RANBP2: variants seen among roughly 807,000 people sequenced by gnomAD.
RANBP2 encodes RAN binding protein 2.
In RANBP2, 57 loss-of-function variants were observed where a neutral mutation model predicts 303.6. That is an observed-to-expected ratio of 0.19 (90% confidence interval 0.15 to 0.23). RANBP2 has a LOEUF of 0.23. Ranked by LOEUF, RANBP2 falls within the 10% of genes least tolerant of loss-of-function variation. The pLI is 1.00. For synonymous variants in RANBP2, 1,167 were observed against 1,301.5 expected, an observed-to-expected ratio of 0.90 and a Z score of 2.23; for missense variants, 3,138 against 3,780.8, an observed-to-expected ratio of 0.83 and a Z score of 4.46.
chr2:108,934,596 C>T, the RANBP2 span, among the ~76,000 whole-genome samples: 2 of 152,148 alleles, frequency 1.3e-5, no homozygotes, highest in African/African-American at 4.8e-5. Flanking sequence ...TCTGGGAAGT[C>T]CAAGAGCGAC....
chr2:108,764,919 C>T lies in RANBP2; in HGVS notation c.4380C>T (p.Gly1460=). The T allele has an allele frequency of 1.9e-6, 3 of 1,613,966 alleles. No homozygotes were observed. Among genetic ancestry groups the T allele is most frequent in the Non-Finnish European group, 2.5e-6 (3 of 1,179,958 alleles). ...TTCATCAAGCTTCATTTAAATTTGG[C>T]CAGGGAGATCTTCCTAAACCTATTA... ...SFVHQASFKF[G]QGDLPKPINS... is the part of the protein sequence containing the mutation. The change falls in exon 20 of 29, where the codon GGC becomes GGT. Residue 1460 remains glycine (G), a synonymous_variant. Transcript: ENST00000283195.
the RANBP2 span, among the ~76,000 whole-genome samples, chr2:108,875,334 AAAG>A: frequency 0.015 from 1,359 of 93,050 alleles, 27 homozygotes; most frequent in Middle Eastern, 0.067. Flanking sequence ...AAAAAAAAAA[AAAG>A]AAACAAATTC....
At chr2:109,140,739 A>G in the RANBP2 span, among the ~76,000 whole-genome samples, 3 of 152,116 alleles carry the variant, frequency 2.0e-5, no homozygotes, top group Admixed American at 6.5e-5. Flanking sequence ...CAAAAGGCCT[A>G]TGTGCTCTAC....
At chr2:109,429,749 G>A in the RANBP2 span, among the ~76,000 whole-genome samples, 1,011 of 152,270 alleles carry the variant, frequency 6.6e-3, 12 homozygotes, top group African/African-American at 0.023. Flanking sequence ...TTTTGTGTCC[G>A]CAGCTGTGAA....
the RANBP2 span, among the ~76,000 whole-genome samples, chr2:109,681,268 AG>A: frequency 3.3e-5 from 5 of 152,224 alleles, no homozygotes; most frequent in African/African-American, 1.2e-4. Context: ...GTTTCTCAGA[AG>A]GGGCGCTCGA....
the RANBP2 span, among the ~76,000 whole-genome samples, chr2:108,969,152 G>C: frequency 2.0e-5 from 3 of 152,070 alleles, no homozygotes; most frequent in Non-Finnish European, 4.4e-5. Context: ...AAGAAAGAAG[G>C]CACCTCTGCT....
At chr2:109,506,813 C>G in the RANBP2 span, among the ~76,000 whole-genome samples, 1 of 152,144 alleles carries the variant, frequency 6.6e-6, no homozygotes, top group South Asian at 2.1e-4. Flanking sequence ...CTGCTGGTAG[C>G]ACTTACCACC....
chr2:109,060,721 A>G, the RANBP2 span, among the ~76,000 whole-genome samples: 1 of 152,074 alleles, frequency 6.6e-6, no homozygotes, highest in Admixed American at 6.5e-5. Context: ...AGGATGATCC[A>G]TTTGCCACCC....
chr2:109,630,214 G>A, the RANBP2 span, among the ~76,000 whole-genome samples: 8 of 152,260 alleles, frequency 5.3e-5, no homozygotes, highest in African/African-American at 1.9e-4. Context: ...ATATTATGAT[G>A]TTCTGACATC....
At chr2:109,501,476 G>A in the RANBP2 span, 1 of 768,530 alleles carries the variant, frequency 1.3e-6, no homozygotes, top group African/African-American at 1.7e-5. Flanking sequence ...GTCTGTGTGG[G>A]GCTCACCCAC....
the RANBP2 span, among the ~76,000 whole-genome samples, chr2:109,185,878 G>T: frequency 6.6e-6 from 1 of 152,210 alleles, no homozygotes; most frequent in Admixed American, 6.5e-5. Context: ...CTGTCAAAGG[G>T]GCCAAGTCGG....
At chr2:108,788,843 C>G (rs1558958274), downstream of RANBP2, 1 of 1,613,664 alleles carries the variant, frequency 6.2e-7, no homozygotes, top group Admixed American at 1.7e-5. Context: ...GTTTCTTTGT[C>G]GTTGACAGGT....
chr2:109,507,467 C>T, the RANBP2 span, among the ~76,000 whole-genome samples: 1 of 152,228 alleles, frequency 6.6e-6, no homozygotes, highest in African/African-American at 2.4e-5. Flanking sequence ...TGCTTCTGTT[C>T]CGCCTGTGGT....
At chr2:109,189,812 A>G in the RANBP2 span, among the ~76,000 whole-genome samples, 2 of 152,226 alleles carry the variant, frequency 1.3e-5, no homozygotes, top group Non-Finnish European at 2.9e-5. Context: ...ACTTCTCAAC[A>G]CTGGTCAGAG....
chr2:108,965,310 T>C, the RANBP2 span, among the ~76,000 whole-genome samples: 111 of 152,160 alleles, frequency 7.3e-4, 1 homozygote, highest in African/African-American at 2.6e-3. Flanking sequence ...ACCCCATCTC[T>C]ACTAAAAATA....
intron 4 of RANBP2, among the ~76,000 whole-genome samples, chr2:108,734,993 A>G (rs1695458952): frequency 1.3e-5 from 2 of 152,162 alleles, no homozygotes; most frequent in African/African-American, 4.8e-5. Flanking sequence ...GTGAGTGGCC[A>G]CAAACCCTAC....
intron 9 of RANBP2, among the ~76,000 whole-genome samples, chr2:108,750,603 T>TTTTCTTTTC (rs1183389959): frequency 6.9e-6 from 1 of 145,662 alleles, no homozygotes. Context: ...TTTTCTTTTC[T>TTTTCTTTTC]TTGAGACAGA....
At chr2:108,827,425 A>G in the RANBP2 span, among the ~76,000 whole-genome samples, 1 of 152,256 alleles carries the variant, frequency 6.6e-6, no homozygotes, top group East Asian at 1.9e-4. Context: ...TAATGATATG[A>G]AAACTTAATT....
At chr2:109,156,527 C>T in the RANBP2 span, among the ~76,000 whole-genome samples, 6 of 151,874 alleles carry the variant, frequency 4.0e-5, no homozygotes, top group East Asian at 1.2e-3. Context: ...CTCACTGCAG[C>T]CTTTACCTCC....
Sources: allele counts gnomAD v4.1 joint callset (sites outside exome capture counted in the v4.1 genomes callset), GRCh38; gene constraint gnomAD v4.1.1; transcripts MANE v1.5; gene names NCBI Gene and HGNC (gene_info 2026-07-23, HGNC 2026-07-21).